The following EPC2 variants were observed in gnomAD, a reference collection of about 807,000 sequenced individuals.
The protein encoded by EPC2 is enhancer of polycomb 2.
Under a neutral mutation model 92.1 loss-of-function variants are expected in EPC2, and 14 were observed. The observed-to-expected ratio is 0.15, with a 90% CI of 0.10 to 0.24. The LOEUF is 0.24. Among genes scored for constraint, EPC2 ranks in the 10% least tolerant of loss-of-function variants. The pLI is 1.00. For missense variants in EPC2, 755 were observed against 971.5 expected (o/e 0.78, Z 2.96); for synonymous variants, 340 against 334.7 (o/e 1.02, Z -0.17).
At chr2:148,748,943 A>G (rs1193599276) in intron 3 of EPC2, among the ~76,000 whole-genome samples, 1 of 152,056 alleles carries the variant, frequency 6.6e-6, no homozygotes, top group Non-Finnish European at 1.5e-5. Context: ...GCCACTAGCT[A>G]TTTTATTAAA....
At chr2:148,653,310 AG>A (rs1680721904) in intron 1 of EPC2, among the ~76,000 whole-genome samples, 1 of 152,244 alleles carries the variant, frequency 6.6e-6, no homozygotes. Flanking sequence ...GTAGAAAAAC[AG>A]TAATGGGTGT....
chr2:148,721,712 C>CTTTTTTTTTTTTTTTTTTTTTTTTTT (rs34017461), intron 2 of EPC2, among the ~76,000 whole-genome samples: 1 of 111,538 alleles, frequency 9.0e-6, no homozygotes, highest in Non-Finnish European at 1.9e-5. Flanking sequence ...CTGTTTTATT[C>CTTTTTTTTTTTTTTTTTTTTTTTTTT]TTTTTTTTTT....
chr2:148,656,235 G>C (rs985299358), intron 1 of EPC2, among the ~76,000 whole-genome samples: 2 of 152,088 alleles, frequency 1.3e-5, no homozygotes, highest in African/African-American at 4.8e-5. Flanking sequence ...GCAGAATGTA[G>C]CTTTCTGTTG....
intron 2 of EPC2, among the ~76,000 whole-genome samples, chr2:148,698,467 C>T (rs34711842): frequency 0.14 from 21,129 of 151,688 alleles, 2,416 homozygotes; most frequent in East Asian, 0.46. Flanking sequence ...GAAACCCTAT[C>T]TCTACTAAAA....
At chr2:148,722,261 C>A (rs1035335929) in intron 2 of EPC2, among the ~76,000 whole-genome samples, 1 of 152,096 alleles carries the variant, frequency 6.6e-6, no homozygotes, top group African/African-American at 2.4e-5. Flanking sequence ...GTTTTTCCCC[C>A]CTTAGGGTGG....
At chr2:148,726,358 T>A (rs567761820) in intron 2 of EPC2, among the ~76,000 whole-genome samples, 20 of 152,290 alleles carry the variant, frequency 1.3e-4, no homozygotes, top group African/African-American at 4.6e-4. Context: ...TTAAATTTTT[T>A]CAGAAACTAC....
chr2:148,681,208 T>G (rs1440762859), intron 1 of EPC2, among the ~76,000 whole-genome samples: 4 of 152,206 alleles, frequency 2.6e-5, no homozygotes, highest in Non-Finnish European at 5.9e-5. Context: ...CGTCCACTTC[T>G]GAGAAGCCTA....
chr2:148,721,890 C>CTTTT, intron 2 of EPC2, among the ~76,000 whole-genome samples: 1,726 of 60,732 alleles, frequency 0.028, 173 homozygotes, highest in Admixed American at 0.058. Flanking sequence ...GTTTTGATTT[C>CTTTT]TTTTTTTTTT....
intron 3 of EPC2, among the ~76,000 whole-genome samples, chr2:148,751,527 A>G (rs1409605742): frequency 6.6e-6 from 1 of 151,960 alleles, no homozygotes; most frequent in South Asian, 2.1e-4. Flanking sequence ...TTTATTTTTA[A>G]TTTTTTTAGA....
At chr2:148,782,558 A>T (rs1471617036) in intron 11 of EPC2, among the ~76,000 whole-genome samples, 1 of 152,098 alleles carries the variant, frequency 6.6e-6, no homozygotes, top group Non-Finnish European at 1.5e-5. Context: ...AAAAAAATTA[A>T]TTAAAATTTT....
At chr2:148,760,796 C>T (rs1469709862) in intron 4 of EPC2, among the ~76,000 whole-genome samples, 3 of 152,086 alleles carry the variant, frequency 2.0e-5, no homozygotes, top group Admixed American at 6.5e-5. Flanking sequence ...AAGAGTATAA[C>T]TTTGACTTTT....
At chr2:148,739,460 T>A (rs565034932) in intron 2 of EPC2, among the ~76,000 whole-genome samples, 1 of 152,332 alleles carries the variant, frequency 6.6e-6, no homozygotes, top group East Asian at 1.9e-4. Flanking sequence ...CTGTGCTTAT[T>A]AGATACTTAC....
At position 148,644,926 on chromosome 2, in the gene EPC2, G is replaced by GGAAGGAGGT; in HGVS notation, c.-90_-82dup. The GGAAGGAGGT allele has an allele frequency of 8.8e-7, 1 of 1,131,930 alleles. No homozygotes were observed. 70.1% of individuals were successfully genotyped at this position (1,131,930 alleles called of 1,614,324 possible). ...GAGCGGGCCGGCCGCGCTGCACTGAGGAAGGAGGTGGAGGAGGCGGCGGGA... is the reference window on the plus strand; with the variant it reads ...GAGCGGGCCGGCCGCGCTGCACTGAGGAAGGAGGTGAAGGAGGTGGAGGAGGCGGCGGGA... On this transcript the variant is annotated 5_prime_UTR_variant, in exon 1 of 14. Transcript: ENST00000258484.
intron 11 of EPC2, 118 bp downstream of exon 11, chr2:148,781,898 G>A: frequency 2.6e-6 from 3 of 1,150,796 alleles, no homozygotes; most frequent in Non-Finnish European, 3.7e-6. Context: ...TTTGGGGTCT[G>A]TAACCTGAAT....
intron 1 of EPC2, among the ~76,000 whole-genome samples, chr2:148,678,450 G>A (rs1227988203): frequency 2.6e-5 from 4 of 152,250 alleles, no homozygotes; most frequent in Admixed American, 1.3e-4. Flanking sequence ...GTGGAGCAGG[G>A]GGTGGCGCTT....
intron 2 of EPC2, among the ~76,000 whole-genome samples, chr2:148,733,091 A>ATTTTTTTATTTTTTTTG (rs1290818057): frequency 8.4e-6 from 1 of 118,850 alleles, no homozygotes; most frequent in South Asian, 4.1e-4. Flanking sequence ...TTATTTTTTA[A>ATTTTTTTATTTTTTTTG]AGAATAATAG....
intron 10 of EPC2, among the ~76,000 whole-genome samples, chr2:148,778,023 G>A (rs921348063): frequency 2.0e-5 from 3 of 152,142 alleles, no homozygotes; most frequent in Admixed American, 6.6e-5. Flanking sequence ...GTGTTATATA[G>A]AATGTGTTAC....
chr2:148,678,143 G>A (rs376622638), intron 1 of EPC2, among the ~76,000 whole-genome samples: 2 of 152,016 alleles, frequency 1.3e-5, no homozygotes, highest in Admixed American at 1.3e-4. Context: ...GGTTCTCCAC[G>A]GTCCCCACCA....
In EPC2 at chr2:148,663,839, G is replaced by A. The variant is rs184043203; in HGVS notation, c.153+18669G>A. On this transcript the variant is annotated intron_variant, in intron 1 of 13. Coordinates refer to ENST00000258484, the MANE Select transcript of EPC2 (RefSeq NM_015630.4). The stretch of plus-strand genomic sequence containing the variant: ...AAGGAATGCACAACCTAGATCCCTT[G>A]CATGTGCAGTTCACAATAGGGTTCA... Among the ~76,000 whole-genome samples, 164 of 152,160 alleles carry A rather than the reference G, an allele frequency of 1.1e-3. 1 individual carries two copies. The highest frequency in any genetic ancestry group is 3.8e-3 in the African/African-American group (156 of 41,520).
Sources: gnomAD v4.1 joint callset for allele counts (sites outside exome capture counted in the v4.1 genomes callset) on GRCh38, gnomAD v4.1.1 for gene constraint, MANE v1.5 for transcripts, NCBI Gene and HGNC (gene_info 2026-07-23, HGNC 2026-07-21) for gene names.